Variants in TEX15 observed in about 807,000 individuals in gnomAD.
TEX15 encodes testis expressed 15, meiosis and synapsis associated, also known as testis-expressed protein 15.
A neutral mutation model predicts 237.3 loss-of-function variants in TEX15; 171 were observed. The ratio of observed to expected loss-of-function variants is 0.72; its 90% CI spans 0.64 to 0.82. TEX15 has a LOEUF of 0.82. Among genes scored for constraint, TEX15 ranks in the 40% least tolerant of loss-of-function variants. The probability of loss-of-function intolerance (pLI) is 0.00; values close to 1 mark genes in which losing one functional copy is unlikely to be tolerated. For missense variants in TEX15, 3,750 were observed against 3,646.5 expected (o/e 1.03, Z -0.73); for synonymous variants, 1,338 against 1,269.8 (o/e 1.05, Z -1.14).
intron 2 of TEX15, chr8:30,888,708 A>T (rs1231192345): frequency 8.3e-7 from 1 of 1,210,546 alleles, no homozygotes; most frequent in Non-Finnish European, 1.1e-6. Flanking sequence ...TCACAATCCA[A>T]ATTAAAAGAT....
In TEX15 at chr8:30,842,869, T is replaced by C. The variant is rs774505126; in HGVS notation, c.7298A>G (p.Glu2433Gly). ...AGCTTCAGGCTTTAAAATGATAGCC[T>C]CATGGCTGTGGTTTATCACCACGTC... is the stretch of plus-strand genomic sequence containing the variant. ...VLDVVINHSH[E>G]AIILKPEAIE... Residue 2433 changes from glutamate to glycine, a missense_variant, in exon 8 of 11, where the codon GAG becomes GGG. Coordinates refer to ENST00000643185, the MANE Select transcript of TEX15 (RefSeq NM_001350162.2). 2 of 1,611,642 alleles carry C rather than the reference T, an allele frequency of 1.2e-6. No individual in the cohort carries two copies. Among genetic ancestry groups the C allele is most frequent in the South Asian group, 2.2e-5 (2 of 90,892 alleles).
At position 30,898,368 on chromosome 8, in the gene TEX15, T is replaced by C. The variant is rs528323899; in HGVS notation, c.-10+374A>G. Among the ~76,000 whole-genome samples the C allele has an allele frequency of 1.2e-4, 19 of 152,268 alleles. No individual in the cohort carries two copies. In the East Asian group the frequency reaches 3.7e-3, roughly 29 times the overall value. ...ACCCTCAGGGGAGCTAGCTACCTCC[T>C]TCCACCACGCAATAACACAATGAAA... On this transcript the variant is annotated intron_variant, in intron 2 of 10. Coordinates refer to ENST00000643185, the MANE Select transcript of TEX15 (RefSeq NM_001350162.2).
chr8:30,863,294 A>G (rs1808090566), intron 5 of TEX15, among the ~76,000 whole-genome samples: 1 of 152,110 alleles, frequency 6.6e-6, no homozygotes, highest in South Asian at 2.1e-4. Flanking sequence ...CAGATTTCAA[A>G]TTTTTGGATT....
At chr8:30,860,078 A>G in intron 5 of TEX15, 21 bp from the exon 6 acceptor site, 1 of 1,453,626 alleles carries the variant, frequency 6.9e-7, no homozygotes, top group Non-Finnish European at 9.0e-7. Context: ...AAAAGCCAAA[A>G]AAAAAGTACG....
At chr8:30,853,214 G>A (rs749517414) in intron 7 of TEX15, among the ~76,000 whole-genome samples, 3 of 152,162 alleles carry the variant, frequency 2.0e-5, no homozygotes, top group Admixed American at 6.5e-5. Context: ...CGGCTGAGGG[G>A]AAATGTGGAC....
At chr8:30,882,347 C>G (rs370667384) in intron 3 of TEX15, among the ~76,000 whole-genome samples, 1 of 152,220 alleles carries the variant, frequency 6.6e-6, no homozygotes, top group Admixed American at 6.5e-5. Context: ...AGTGTAGTGG[C>G]GCAATCTCAG....
At chr8:30,902,714 T>C (rs1323683765) in intron 1 of TEX15, among the ~76,000 whole-genome samples, 1 of 152,238 alleles carries the variant, frequency 6.6e-6, no homozygotes, top group African/African-American at 2.4e-5. Context: ...AGAGGGCTTA[T>C]TAAAATACAG....
At position 30,842,563 on chromosome 8, in the gene TEX15, G is replaced by A; in HGVS notation, c.7604C>T (p.Ser2535Leu). 6.2e-7 allele frequency: 1 copy of A among 1,610,600 alleles called. No homozygotes were observed. Among genetic ancestry groups the A allele is most frequent in the East Asian group, 2.2e-5 (1 of 44,850 alleles). Residue 2535 changes from serine (S) to leucine (L), a missense_variant, in exon 8 of 11, where the codon TCA becomes TTA. By Grantham distance (145) the Ser-to-Leu change is moderately radical. Coordinates refer to ENST00000643185, the MANE Select transcript of TEX15 (RefSeq NM_001350162.2). ...TCTTGAGAGCAAATGAATAGCATATGAGCAATTAACAGCTTCATTATATTT... is the reference window on the plus strand; with the variant it reads ...TCTTGAGAGCAAATGAATAGCATATAAGCAATTAACAGCTTCATTATATTT... ...ICKYNEAVNC[S>L]YAIHLLSREL...
intron 7 of TEX15, among the ~76,000 whole-genome samples, chr8:30,851,154 T>C (rs185851255): frequency 6.6e-6 from 1 of 152,208 alleles, no homozygotes; most frequent in Non-Finnish European, 1.5e-5. Context: ...ATACCCAAAG[T>C]TCTATGGACA....
At position 30,847,306 on chromosome 8, in the gene TEX15, G is replaced by C; in HGVS notation, c.2861C>G (p.Thr954Ser). Reference sequence around the variant, plus strand: ...CTCTACACTTCTTCCAGTATTTTCAGTATCTTTTTGTTTCACGGCACTAAT... The same window carrying C: ...CTCTACACTTCTTCCAGTATTTTCACTATCTTTTTGTTTCACGGCACTAAT... Reference protein sequence around the residue: ...DTISAVKQKDTENTGRSVEHL... With the variant: ...DTISAVKQKDSENTGRSVEHL... The change falls in exon 8 of 11, where the codon ACT (threonine) becomes AGT (serine). Residue 954 changes from threonine to serine, a missense_variant. Coordinates refer to ENST00000643185, the MANE Select transcript of TEX15 (RefSeq NM_001350162.2). 1 of 1,613,916 alleles carries C rather than the reference G, an allele frequency of 6.2e-7. No homozygotes were observed. The highest frequency in any genetic ancestry group is 8.5e-7 in the Non-Finnish European group (1 of 1,179,886).
intron 7 of TEX15, among the ~76,000 whole-genome samples, chr8:30,855,803 ATTG>A (rs1292271853): frequency 6.6e-6 from 1 of 152,200 alleles, no homozygotes; most frequent in Non-Finnish European, 1.5e-5. Flanking sequence ...CTGGGAAAAC[ATTG>A]TTAAGTGAAA....
intron 7 of TEX15, among the ~76,000 whole-genome samples, chr8:30,850,083 GA>G (rs1247583374): frequency 2.6e-5 from 4 of 151,180 alleles, no homozygotes; most frequent in East Asian, 1.9e-4. Context: ...TACCATGGGA[GA>G]AAAAAAAGGA....
chr8:30,843,372 A>T lies in TEX15; in HGVS notation c.6795T>A (p.Tyr2265Ter). The stretch of plus-strand genomic sequence containing the variant: ...CATCAAAAAAGATATGTTCCAGACC[A>T]TAAAGAGATATTTTAACACGTACTG... ...NEAVRVKISLYGLEHIFFDAA... is the reference protein window; with the variant it reads ...NEAVRVKISL Residue 2265 changes from tyrosine (Y) to a stop codon, truncating the protein, a stop_gained, in exon 8 of 11, where the codon TAT (tyrosine) becomes TAA (stop). Transcript: ENST00000643185. LOFTEE classifies it high-confidence loss of function. The T allele has an allele frequency of 6.2e-7, 1 of 1,612,940 alleles. No homozygotes were observed. Among genetic ancestry groups the T allele is most frequent in the Non-Finnish European group, 8.5e-7 (1 of 1,179,698 alleles).
At position 30,849,061 on chromosome 8, in the gene TEX15, C is replaced by G; in HGVS notation, c.1106G>C (p.Arg369Thr). Residue 369 changes from arginine to threonine, a missense_variant, in exon 8 of 11, where the codon AGA (arginine) becomes ACA (threonine). Physicochemically the swap from Arg to Thr is moderately conservative, Grantham distance 71. Coordinates refer to ENST00000643185, the MANE Select transcript of TEX15 (RefSeq NM_001350162.2). ...ATGTGCAAGTACTTGAGAAGTGTCT[C>G]TAATTTCTGCTAAACTGTGCTCTGT... Reference protein sequence around the residue: ...GQTEHSLAEIRDTSQVLAHDS... With the variant: ...GQTEHSLAEITDTSQVLAHDS... 6.2e-7 allele frequency: 1 copy of G among 1,613,956 alleles called. No individual in the cohort carries two copies. The highest frequency in any genetic ancestry group is 8.5e-7 in the Non-Finnish European group (1 of 1,179,994).
chr8:30,875,515 G>A (rs778450304), intron 3 of TEX15, among the ~76,000 whole-genome samples: 6 of 152,198 alleles, frequency 3.9e-5, no homozygotes, highest in Non-Finnish European at 5.9e-5. Context: ...ATTTGCAAAA[G>A]TACAAGAACA....
In TEX15 at chr8:30,846,450, A is replaced by C. The variant is rs375434035; in HGVS notation, c.3717T>G (p.Leu1239=). ...SGPVSNSEIS[L]SFDLSRNTDV... ...CTGTATTACGACTCAAGTCAAAAGA[A>C]AGGGAGATTTCAGAGTTACTCACTG... The change falls in exon 8 of 11, where the codon CTT becomes CTG. Residue 1239 remains leucine, a synonymous_variant. Coordinates refer to ENST00000643185, the MANE Select transcript of TEX15 (RefSeq NM_001350162.2). The C allele has an allele frequency of 1.2e-6, 2 of 1,613,250 alleles. No homozygotes were observed. The highest frequency in any genetic ancestry group is 1.7e-6 in the Non-Finnish European group (2 of 1,179,726).
rs62000451 is a variant in TEX15, at chr8:30,847,209, C to T, written c.2958G>A (p.Gln986=). 0.069 allele frequency: 110,904 copies of T among 1,613,802 alleles called. 6,118 individuals are homozygous for T. The highest frequency in any genetic ancestry group is 0.27 in the African/African-American group (20,297 of 74,970). ...SVCVASNAAI[Q]IASATMPALS... is the part of the protein sequence containing the mutation. The stretch of plus-strand genomic sequence containing the variant: ...ATGCAGGCATAGTAGCACTAGCTAT[C>T]TGTATTGCAGCATTTGAGGCTACAC... Residue 986 remains glutamine (Q), a synonymous_variant, in exon 8 of 11, where the codon CAG becomes CAA. Transcript: ENST00000643185.
rs1486837152 is a variant in TEX15, at chr8:30,846,048, G to A, written c.4119C>T (p.Ser1373=). The change falls in exon 8 of 11, where the codon AGC becomes AGT. Residue 1373 remains serine (S), a synonymous_variant. Coordinates refer to ENST00000643185, the MANE Select transcript of TEX15 (RefSeq NM_001350162.2). Reference sequence around the variant, plus strand: ...TGTCTAGTTTTCTGGAAAGACATTTGCTTTTACATAAAGATGCTTCATCAC... The same window carrying A: ...TGTCTAGTTTTCTGGAAAGACATTTACTTTTACATAAAGATGCTTCATCAC... ...ILSDEASLCK[S]KCLSRKLDKA... is the part of the protein sequence containing the mutation. 2.5e-6 allele frequency: 4 copies of A among 1,613,052 alleles called. No homozygotes were observed. Among genetic ancestry groups the A allele is most frequent in the Non-Finnish European group, 3.4e-6 (4 of 1,179,554 alleles).
At chr8:30,834,183 A>T (rs1467358862) in intron 10 of TEX15, among the ~76,000 whole-genome samples, 1 of 152,002 alleles carries the variant, frequency 6.6e-6, no homozygotes, top group Non-Finnish European at 1.5e-5. Flanking sequence ...CCCTTTTATT[A>T]TTTTTTTGAG....
Sources: gnomAD v4.1 joint callset for allele counts (sites outside exome capture counted in the v4.1 genomes callset) on GRCh38, gnomAD v4.1.1 for gene constraint, MANE v1.5 for transcripts, NCBI Gene and HGNC (gene_info 2026-07-23, HGNC 2026-07-21) for gene names.